ZC3H3: variants seen among roughly 807,000 people sequenced by gnomAD.
ZC3H3 encodes zinc finger CCCH-type containing 3.
A neutral mutation model predicts 77.3 loss-of-function variants in ZC3H3; 36 were observed. That is an observed-to-expected ratio of 0.47 (90% CI 0.36 to 0.61). The LOEUF (loss-of-function observed/expected upper bound fraction) is 0.61, where lower values mean the gene tolerates loss of function less well. Among genes scored for constraint, ZC3H3 ranks in the 20% least tolerant of loss-of-function variants. ZC3H3 has a pLI of 0.00. For synonymous variants in ZC3H3, 626 were observed against 555.2 expected (o/e 1.13, Z -1.79); for missense variants, 1,331 against 1,312.2 (o/e 1.01, Z -0.22).
At chr8:143,484,774 C>T (rs11786237) in intron 4 of ZC3H3, 50,688 of 367,558 alleles carry the variant, frequency 0.14, 3,810 homozygotes, top group Admixed American at 0.18. Context: ...CCTGCCTAGG[C>T]CCTCAAGGAC....
intron 11 of ZC3H3, among the ~76,000 whole-genome samples, chr8:143,438,632 G>C (rs987511608): frequency 6.6e-6 from 1 of 152,158 alleles, no homozygotes; most frequent in African/African-American, 2.4e-5. Flanking sequence ...TCCCCACAGC[G>C]GGGAAGCCCA....
At position 143,526,422 on chromosome 8, in the gene ZC3H3, C is replaced by G. The variant is rs79148414; in HGVS notation, c.1561+9835G>C. Among the ~76,000 whole-genome samples, 1,038 of 152,328 alleles carry G rather than the reference C, an allele frequency of 6.8e-3. 14 individuals carry two copies. Among genetic ancestry groups the G allele is most frequent in the African/African-American group, 0.021 (891 of 41,576 alleles). On this transcript the variant is annotated intron_variant, in intron 3 of 11. Transcript: ENST00000262577. ...CCTCTCCCAGTCCTGCTGCTGGTGC[C>G]GAGCAGGAGACCCCTCAGGGAACCA...
intron 3 of ZC3H3, among the ~76,000 whole-genome samples, chr8:143,513,705 C>T (rs1022533970): frequency 6.6e-6 from 1 of 152,222 alleles, no homozygotes; most frequent in Non-Finnish European, 1.5e-5. Context: ...AACTGTCTCT[C>T]GTTGAAGGCA....
chr8:143,522,295 C>A (rs1563877592), intron 3 of ZC3H3, among the ~76,000 whole-genome samples: 1 of 152,214 alleles, frequency 6.6e-6, no homozygotes, highest in South Asian at 2.1e-4. Flanking sequence ...GGCCTATTTC[C>A]TTTGCCTCAT....
intron 9 of ZC3H3, among the ~76,000 whole-genome samples, chr8:143,441,342 T>C (rs1819737252): frequency 6.6e-6 from 1 of 152,172 alleles, no homozygotes; most frequent in Admixed American, 6.5e-5. Flanking sequence ...CAGCCAACTG[T>C]AGGCCCTGGG....
chr8:143,448,261 G>GC (rs1445142176), intron 9 of ZC3H3, among the ~76,000 whole-genome samples: 5 of 151,784 alleles, frequency 3.3e-5, no homozygotes, highest in Non-Finnish European at 7.4e-5. Context: ...AGCCAAGATA[G>GC]CACCATTGCA....
intron 9 of ZC3H3, among the ~76,000 whole-genome samples, chr8:143,448,970 T>G (rs1386512627): frequency 2.6e-5 from 4 of 152,222 alleles, no homozygotes; most frequent in Admixed American, 6.5e-5. Context: ...TACTATGGTT[T>G]GCACCCCCTG....
intron 3 of ZC3H3, among the ~76,000 whole-genome samples, chr8:143,524,202 T>C (rs35706047): frequency 0.028 from 4,242 of 152,282 alleles, 179 homozygotes; most frequent in African/African-American, 0.096. Context: ...ACAGAGCAGA[T>C]CGTGGTGGGC....
At chr8:143,481,465 C>T (rs1411657621) in intron 4 of ZC3H3, among the ~76,000 whole-genome samples, 1 of 152,186 alleles carries the variant, frequency 6.6e-6, no homozygotes, top group Non-Finnish European at 1.5e-5. Context: ...AGAGAGGTCG[C>T]TGTGTGACCA....
chr8:143,453,895 C>A (rs979274001), intron 9 of ZC3H3, among the ~76,000 whole-genome samples: 1 of 152,120 alleles, frequency 6.6e-6, no homozygotes, highest in Non-Finnish European at 1.5e-5. Flanking sequence ...CAAAACGACA[C>A]CACCAGCAGA....
chr8:143,448,808 T>C (rs1819921478), intron 9 of ZC3H3, among the ~76,000 whole-genome samples: 1 of 152,212 alleles, frequency 6.6e-6, no homozygotes, highest in Non-Finnish European at 1.5e-5. Context: ...CTAGCAGAAG[T>C]TCTCTATGAG....
intron 3 of ZC3H3, among the ~76,000 whole-genome samples, chr8:143,522,618 C>A (rs1043830183): frequency 1.4e-4 from 21 of 147,370 alleles, no homozygotes; most frequent in African/African-American, 4.8e-4. Flanking sequence ...AAAAAAAACA[C>A]ACACACACAA....
At chr8:143,452,492 C>T (rs1006198050) in intron 9 of ZC3H3, among the ~76,000 whole-genome samples, 2 of 152,136 alleles carry the variant, frequency 1.3e-5, no homozygotes, top group South Asian at 2.1e-4. Flanking sequence ...GCTCCAAGCT[C>T]GGTGAAGAGG....
intron 3 of ZC3H3, among the ~76,000 whole-genome samples, chr8:143,532,706 G>T (rs1375865877): frequency 6.6e-6 from 1 of 152,246 alleles, no homozygotes; most frequent in Admixed American, 6.5e-5. Context: ...ACTGGCCAAG[G>T]CAGAGGACAG....
intron 9 of ZC3H3, among the ~76,000 whole-genome samples, chr8:143,442,400 C>CGG (rs1285730125): frequency 1.9e-4 from 1 of 5,382 alleles, no homozygotes; most frequent in Non-Finnish European, 3.6e-4. Flanking sequence ...CTTCAGGGGC[C>CGG]GGGGGGGGTG....
In ZC3H3 at chr8:143,516,579, A is replaced by T. The variant is rs184359885; in HGVS notation, c.1562-8680T>A. 6.0e-3 allele frequency among the ~76,000 whole-genome samples: 875 copies of T among 145,674 alleles called. 8 individuals carry two copies. The highest frequency in any genetic ancestry group is 0.022 in the African/African-American group (831 of 38,342). Reference sequence around the variant, plus strand: ...CACACACACACACATACACACACACACTCACTCTCATGCACATGCTCACCC... The same window carrying T: ...CACACACACACACATACACACACACTCTCACTCTCATGCACATGCTCACCC... On this transcript the variant is annotated intron_variant, in intron 3 of 11. Coordinates refer to ENST00000262577, the MANE Select transcript of ZC3H3 (RefSeq NM_015117.3).
chr8:143,473,181 T>G (rs1294237410), intron 5 of ZC3H3, among the ~76,000 whole-genome samples: 1 of 152,108 alleles, frequency 6.6e-6, no homozygotes, highest in African/African-American at 2.4e-5. Context: ...TGGTGCCAGG[T>G]AGACCCCGCC....
chr8:143,465,995 G>A (rs1309277384), intron 8 of ZC3H3, 147 bp from the exon 9 acceptor site: 22 of 1,184,118 alleles, frequency 1.9e-5, no homozygotes, highest in Admixed American at 9.8e-5. Context: ...CACGACCTGC[G>A]GGGCAGGGAA....
rs188673675 is a variant in ZC3H3, at chr8:143,470,835, G to T, written c.1904-2176C>A. On this transcript the variant is annotated intron_variant, in intron 5 of 11. Transcript: ENST00000262577. Reference sequence around the variant, plus strand: ...ATAGCTGGCTGGAAAAGAAGCAAGGGCTGCCTGAGAAGTGCTAAAAAGTTC... The same window carrying T: ...ATAGCTGGCTGGAAAAGAAGCAAGGTCTGCCTGAGAAGTGCTAAAAAGTTC... Among the ~76,000 whole-genome samples, 891 of 152,342 alleles carry T rather than the reference G, an allele frequency of 5.8e-3. 4 individuals carry two copies. Among genetic ancestry groups the T allele is most frequent in the Non-Finnish European group, 7.8e-3 (531 of 68,030 alleles).
Sources: allele counts gnomAD v4.1 joint callset (sites outside exome capture counted in the v4.1 genomes callset), GRCh38; gene constraint gnomAD v4.1.1; transcripts MANE v1.5; gene names NCBI Gene and HGNC (gene_info 2026-07-23, HGNC 2026-07-21).